Variants in TRMT1L observed in about 807,000 individuals in gnomAD.
TRMT1L encodes the protein tRNA methyltransferase 1L, also known as tRNA (guanine(27)-N(2))-dimethyltransferase.
A neutral mutation model predicts 81.6 loss-of-function variants in TRMT1L; 28 were observed. That is an observed-to-expected ratio of 0.34 (90% CI 0.25 to 0.47). The LOEUF is 0.47. TRMT1L is among the 20% of genes least tolerant of loss of function. The pLI, the probability that TRMT1L is intolerant of heterozygous loss-of-function variation, is 1.00. For missense variants in TRMT1L, 739 were observed against 877.1 expected, an observed-to-expected ratio of 0.84 and a Z score of 1.99; for synonymous variants, 301 against 303.2, an observed-to-expected ratio of 0.99 and a Z score of 0.07.
intron 1 of TRMT1L, 70 bp from the exon 2 acceptor site, chr1:185,152,005 C>G: frequency 1.1e-6 from 1 of 910,260 alleles, no homozygotes; most frequent in South Asian, 1.8e-5. Context: ...TTGATCACAT[C>G]GTATAGAAGT....
rs557667926 is a variant in TRMT1L at position 185,140,037 on chromosome 1, C to G, written c.1045G>C (p.Gly349Arg). Residue 349 changes from glycine (G) to arginine (R), a missense_variant, in exon 8 of 15, where the codon GGT becomes CGT. Physicochemically the swap from Gly to Arg is moderately radical, Grantham distance 125. This residue lies in a region of TRMT1L where 331 missense variants were observed against 462.2 expected (regional missense o/e 0.72). Transcript: ENST00000367506. ...DILEEGEKNL[G>R]NIKVTKMDAN... The stretch of plus-strand genomic sequence containing the variant: ...TCCATTTTGGTCACCTTAATATTAC[C>G]AAGATTTTTCTCTCCTTCTTCAAGA... The G allele has an allele frequency of 1.2e-6, 2 of 1,613,662 alleles. No individual in the cohort carries two copies. Among genetic ancestry groups the G allele is most frequent in the South Asian group, 1.1e-5 (1 of 91,060 alleles).
intron 3 of TRMT1L, among the ~76,000 whole-genome samples, chr1:185,149,821 T>C (rs1209103925): frequency 6.6e-6 from 1 of 152,324 alleles, no homozygotes; most frequent in East Asian, 1.9e-4. Context: ...ATGAGTCCTC[T>C]TGTTGAACTT....
In TRMT1L at chr1:185,156,871, G is replaced by T; in HGVS notation, c.-159C>A. The T allele has an allele frequency of 1.0e-6, 1 of 995,500 alleles. No individual in the cohort carries two copies. The highest frequency in any genetic ancestry group is 1.4e-6 in the Non-Finnish European group (1 of 705,798). 61.7% of individuals were successfully genotyped at this position (995,500 alleles called of 1,614,324 possible). Reference sequence around the variant, plus strand: ...AACAGACAAAAGATGAAGAACCAGTGACCAAATCCTGTTAGTAGAAAACAG... The same window carrying T: ...AACAGACAAAAGATGAAGAACCAGTTACCAAATCCTGTTAGTAGAAAACAG... On this transcript the variant is annotated 5_prime_UTR_variant, in exon 1 of 15. Transcript: ENST00000367506.
At chr1:185,148,266 C>T (rs1005843164) in intron 3 of TRMT1L, among the ~76,000 whole-genome samples, 4 of 152,118 alleles carry the variant, frequency 2.6e-5, no homozygotes, top group Non-Finnish European at 4.4e-5. Context: ...TTGACATCTC[C>T]ACTTAGATGC....
intron 10 of TRMT1L, among the ~76,000 whole-genome samples, chr1:185,131,767 A>G (rs1355091435): frequency 1.3e-5 from 2 of 152,206 alleles, no homozygotes; most frequent in Non-Finnish European, 2.9e-5. Flanking sequence ...ATTAATCTAG[A>G]AGACCCAAAA....
rs1400611770 is a variant in TRMT1L at position 185,150,465 on chromosome 1, G to A, written c.374C>T (p.Pro125Leu). The change falls in exon 3 of 15, where the codon CCT becomes CTT. Residue 125 changes from proline to leucine, a missense_variant. Pro to Leu is a moderately conservative substitution (Grantham distance 98). This residue lies in a region of TRMT1L where 209 missense variants were observed against 165.4 expected (regional missense o/e 1.26). Coordinates refer to ENST00000367506, the MANE Select transcript of TRMT1L (RefSeq NM_030934.5). ...ATTACAAGCTCTGAATTTTTCCTTA[G>A]GGCACAATGGACAAGCCTGTCTGTT... ...AGNRQACPLCPKEKFRACNSH... is the reference protein window; with the variant it reads ...AGNRQACPLCLKEKFRACNSH... 9 of 1,613,108 alleles carry A rather than the reference G, an allele frequency of 5.6e-6. No homozygotes were observed. Among genetic ancestry groups the A allele is most frequent in the Non-Finnish European group, 7.6e-6 (9 of 1,179,620 alleles).
At chr1:185,154,683 T>C (rs1294743843) in intron 1 of TRMT1L, among the ~76,000 whole-genome samples, 1 of 152,222 alleles carries the variant, frequency 6.6e-6, no homozygotes, top group Non-Finnish European at 1.5e-5. Context: ...TTGGTTAAGT[T>C]AGAAAACTAA....
In TRMT1L at chr1:185,119,920, T is replaced by C. The variant is rs1652455701; in HGVS notation, c.*99A>G. 3 of 1,289,428 alleles carry C rather than the reference T, an allele frequency of 2.3e-6. No homozygotes were observed. In the South Asian group the frequency reaches 6.1e-5, roughly 26 times the overall value. The allele number at this position is 1,289,428 out of a possible 1,614,324, so 79.9% of individuals were successfully genotyped here. A position where few individuals can be genotyped will look rare whatever the true frequency, so the allele number is the denominator to read the frequency against. On this transcript the variant is annotated 3_prime_UTR_variant, in exon 15 of 15. Transcript: ENST00000367506. Reference sequence around the variant, plus strand: ...TGAAAATGACACTGTTTTTTATTTTTACTCTACTGAATTGAAAGAACAGAA... The same window carrying C: ...TGAAAATGACACTGTTTTTTATTTTCACTCTACTGAATTGAAAGAACAGAA...
At chr1:185,125,374 C>G (rs1652599006) in intron 11 of TRMT1L, among the ~76,000 whole-genome samples, 1 of 151,818 alleles carries the variant, frequency 6.6e-6, no homozygotes, top group Non-Finnish European at 1.5e-5. Context: ...ATCATGTTGC[C>G]CAGGCTGATC....
In TRMT1L at chr1:185,119,974, T is replaced by C. The variant is rs773601744; in HGVS notation, c.*45A>G. On this transcript the variant is annotated 3_prime_UTR_variant, in exon 15 of 15. Transcript: ENST00000367506. ...GAACTACAGTTGGTATAGAGAACTATTAGGCCATCTATACAGACACCTGAG... is the reference window on the plus strand; with the variant it reads ...GAACTACAGTTGGTATAGAGAACTACTAGGCCATCTATACAGACACCTGAG... The C allele has an allele frequency of 1.1e-5, 18 of 1,590,774 alleles. No individual in the cohort carries two copies. Among genetic ancestry groups the C allele is most frequent in the Non-Finnish European group, 1.1e-5 (13 of 1,166,366 alleles).
intron 2 of TRMT1L, among the ~76,000 whole-genome samples, chr1:185,151,435 G>GT (rs1653343565): frequency 6.6e-6 from 1 of 152,184 alleles, no homozygotes; most frequent in South Asian, 2.1e-4. Flanking sequence ...AAAGAGAGCA[G>GT]TGTGGGGCAC....
intron 10 of TRMT1L, among the ~76,000 whole-genome samples, chr1:185,130,254 CA>C (rs1481261151): frequency 6.6e-6 from 1 of 152,112 alleles, no homozygotes; most frequent in Non-Finnish European, 1.5e-5. Flanking sequence ...AAGGCAATAC[CA>C]GATGAGGAGT....
chr1:185,140,969 CAA>C (rs538571932), intron 7 of TRMT1L, among the ~76,000 whole-genome samples: 10 of 88,876 alleles, frequency 1.1e-4, no homozygotes, highest in Non-Finnish European at 9.5e-5. Flanking sequence ...GACCCTATCT[CAA>C]AAAAAAAAAA....
At chr1:185,133,871 A>C (rs1652832313) in intron 10 of TRMT1L, among the ~76,000 whole-genome samples, 1 of 152,140 alleles carries the variant, frequency 6.6e-6, no homozygotes, top group Admixed American at 6.5e-5. Context: ...TAAAGCCAAT[A>C]ATTTTGGAGG....
chr1:185,136,744 G>A (rs1307601030), intron 10 of TRMT1L, among the ~76,000 whole-genome samples: 1 of 152,172 alleles, frequency 6.6e-6, no homozygotes, highest in African/African-American at 2.4e-5. Context: ...AAAACAGTAT[G>A]ATAGACGTGT....
chr1:185,153,381 G>A (rs892221433), intron 1 of TRMT1L, among the ~76,000 whole-genome samples: 2 of 152,108 alleles, frequency 1.3e-5, no homozygotes, highest in African/African-American at 4.8e-5. Context: ...TTAAGTAGAA[G>A]GAATCAGGAA....
Position 185,134,930 on chromosome 1 carries a change from A to G in TRMT1L, c.1513+2676T>C, listed in dbSNP as rs182666751. 2.0e-5 allele frequency among the ~76,000 whole-genome samples: 3 copies of G among 152,354 alleles called. No homozygotes were observed. The East Asian group carries it at 5.8e-4, about 29-fold the overall frequency. ...TATATGTAGAGATTAATCTGGCAAA[A>G]CAGAATGTTAAGTGTTACATATTCT... On this transcript the variant is annotated intron_variant, in intron 10 of 14. Transcript: ENST00000367506.
In TRMT1L at chr1:185,139,957, A is replaced by G. The variant is rs1652993755; in HGVS notation, c.1109+16T>C. On this transcript the variant is annotated intron_variant, in intron 8 of 14. Coordinates refer to ENST00000367506, the MANE Select transcript of TRMT1L (RefSeq NM_030934.5). ...GATAAGTTTAGAAAGTGACACGGCA[A>G]GTCTTTTCTACTTACATGAAATCAA... is the stretch of plus-strand genomic sequence containing the variant. 6.3e-7 allele frequency: 1 copy of G among 1,595,052 alleles called. No homozygotes were observed.
intron 13 of TRMT1L, among the ~76,000 whole-genome samples, chr1:185,123,118 T>A (rs757180224): frequency 6.6e-6 from 1 of 152,228 alleles, no homozygotes; most frequent in African/African-American, 2.4e-5. Flanking sequence ...GCAAAGAGTA[T>A]GCAGTAGTTA....
Sources: allele counts gnomAD v4.1 joint callset (sites outside exome capture counted in the v4.1 genomes callset), GRCh38; gene constraint gnomAD v4.1.1; regional missense constraint gnomAD v4.1.1; transcripts MANE v1.5; gene names NCBI Gene and HGNC (gene_info 2026-07-23, HGNC 2026-07-21).